The following TBCK variants were observed in gnomAD, a reference collection of about 807,000 sequenced individuals.
The protein encoded by TBCK is TBC domain-containing protein kinase-like protein.
In TBCK, 99 loss-of-function variants were observed where a neutral mutation model predicts 113.4. The ratio of observed to expected loss-of-function variants is 0.87; its 90% CI spans 0.74 to 1.03. The LOEUF is 1.03. TBCK is among the 50% of genes least tolerant of loss of function. The pLI is 0.00. For synonymous variants in TBCK, 369 were observed against 370.8 expected (o/e 1.00, Z 0.05); for missense variants, 1,045 against 1,061.3 (o/e 0.98, Z 0.21).
chr4:106,257,246 C>A (rs950562617), intron 5 of TBCK, among the ~76,000 whole-genome samples: 1 of 152,016 alleles, frequency 6.6e-6, no homozygotes. Flanking sequence ...CATGCCCTTT[C>A]GTCATTTATT....
chr4:106,084,316 C>T (rs1560621064), intron 25 of TBCK, among the ~76,000 whole-genome samples: 1 of 151,884 alleles, frequency 6.6e-6, no homozygotes, highest in Non-Finnish European at 1.5e-5. Flanking sequence ...GCCAAACTGA[C>T]CACATGGAAG....
chr4:106,277,486 A>C (rs1764152986), intron 3 of TBCK, among the ~76,000 whole-genome samples: 2 of 152,190 alleles, frequency 1.3e-5, no homozygotes, highest in African/African-American at 4.8e-5. Context: ...TATATTTATA[A>C]AACACAATAC....
Position 106,046,364 on chromosome 4 carries a change from T to C in TBCK, c.*206A>G. ...GATCAGATTTCACTGTTAAGAAAAT[T>C]CTTTCAGCAATACATGTAGAGTCAA... is the stretch of plus-strand genomic sequence containing the variant. On this transcript the variant is annotated 3_prime_UTR_variant, in exon 26 of 26. Coordinates refer to ENST00000394708, the MANE Select transcript of TBCK (RefSeq NM_001163435.3). 1 of 434,702 alleles carries C rather than the reference T, an allele frequency of 2.3e-6. No homozygotes were observed. Among genetic ancestry groups the C allele is most frequent in the East Asian group, 3.9e-5 (1 of 25,658 alleles). The allele number at this position is 434,702 out of a possible 1,614,324, so 26.9% of individuals were successfully genotyped here.
intron 17 of TBCK, 23 bp from the exon 18 acceptor site, chr4:106,231,802 A>C (rs1314756802): frequency 6.3e-7 from 1 of 1,597,110 alleles, no homozygotes; most frequent in Non-Finnish European, 8.6e-7. Flanking sequence ...GGTTGGGAGA[A>C]AGAAGTCAAA....
At chr4:106,122,546 A>G (rs1216598503) in intron 23 of TBCK, among the ~76,000 whole-genome samples, 2 of 152,226 alleles carry the variant, frequency 1.3e-5, no homozygotes, top group Non-Finnish European at 2.9e-5. Flanking sequence ...TCATCCTGAT[A>G]CCAAAGCCTG....
chr4:106,110,802 GC>G (rs1742758437), intron 24 of TBCK, among the ~76,000 whole-genome samples: 1 of 152,066 alleles, frequency 6.6e-6, no homozygotes, highest in African/African-American at 2.4e-5. Flanking sequence ...ATCTCCCTCA[GC>G]CCCGCTGTCT....
intron 20 of TBCK, among the ~76,000 whole-genome samples, chr4:106,206,693 C>T (rs145132953): frequency 1.3e-4 from 20 of 152,112 alleles, no homozygotes; most frequent in Middle Eastern, 3.4e-3. Flanking sequence ...AATTTATTTA[C>T]GTAACAACAT....
chr4:106,243,876 A>T (rs78873679), intron 11 of TBCK, among the ~76,000 whole-genome samples: 1,661 of 152,020 alleles, frequency 0.011, 31 homozygotes, highest in African/African-American at 0.038. Flanking sequence ...TTGTAGAGAC[A>T]GGGTTTTGCC....
upstream of TBCK, chr4:106,316,236 T>G (rs1768847228): frequency 3.5e-6 from 1 of 284,556 alleles, no homozygotes; most frequent in Non-Finnish European, 6.7e-6. Context: ...GGCCTTTTCT[T>G]CCGCCCTCAC....
At chr4:106,245,064 C>G (rs1425808713) in intron 10 of TBCK, among the ~76,000 whole-genome samples, 1 of 152,146 alleles carries the variant, frequency 6.6e-6, no homozygotes, top group Non-Finnish European at 1.5e-5. Flanking sequence ...CATTCTGGAA[C>G]AGACATTCAT....
chr4:106,115,146 T>C (rs982821444), intron 24 of TBCK, among the ~76,000 whole-genome samples: 1 of 152,202 alleles, frequency 6.6e-6, no homozygotes, highest in Admixed American at 6.5e-5. Flanking sequence ...AAATTGGAAT[T>C]GAAAATATTA....
chr4:106,167,432 G>A (rs1362364944), intron 23 of TBCK, among the ~76,000 whole-genome samples: 1 of 150,846 alleles, frequency 6.6e-6, no homozygotes, highest in African/African-American at 2.4e-5. Context: ...TAGAAATAAG[G>A]GAAGTTCTAA....
chr4:106,051,898 A>C (rs1046311585), intron 25 of TBCK, among the ~76,000 whole-genome samples: 1 of 151,896 alleles, frequency 6.6e-6, no homozygotes, highest in African/African-American at 2.4e-5. Context: ...AATGAGAAAC[A>C]TAAGAGCTGT....
chr4:106,188,076 C>CT (rs1753235089), intron 22 of TBCK, among the ~76,000 whole-genome samples: 1 of 152,072 alleles, frequency 6.6e-6, no homozygotes, highest in African/African-American at 2.4e-5. Flanking sequence ...CTAGGACTTC[C>CT]AGTACTATGT....
At chr4:106,209,538 A>T (rs148199376) in intron 20 of TBCK, among the ~76,000 whole-genome samples, 198 of 152,296 alleles carry the variant, frequency 1.3e-3, no homozygotes, top group African/African-American at 4.4e-3. Flanking sequence ...AAGTCTTCTA[A>T]TGGATCTAGA....
chr4:106,064,252 T>C (rs1736373382), intron 25 of TBCK, among the ~76,000 whole-genome samples: 1 of 151,902 alleles, frequency 6.6e-6, no homozygotes, highest in African/African-American at 2.4e-5. Flanking sequence ...ACAACTGAAA[T>C]CACATTTTAA....
intron 25 of TBCK, among the ~76,000 whole-genome samples, chr4:106,094,098 T>C (rs1054055893): frequency 4.6e-5 from 7 of 152,174 alleles, no homozygotes; most frequent in Non-Finnish European, 7.3e-5. Flanking sequence ...GGCATCAAAT[T>C]TGGAAAAATC....
chr4:106,138,885 A>T (rs1746866946), intron 23 of TBCK, among the ~76,000 whole-genome samples: 1 of 141,002 alleles, frequency 7.1e-6, no homozygotes, highest in Non-Finnish European at 1.6e-5. Flanking sequence ...CAGCACCGTT[A>T]TGGTCAAGTT....
At chr4:106,193,345 C>T (rs1342571676) in intron 22 of TBCK, among the ~76,000 whole-genome samples, 1 of 152,018 alleles carries the variant, frequency 6.6e-6, no homozygotes, top group Non-Finnish European at 1.5e-5. Context: ...TGATATTGCC[C>T]CCAACTTCCT....
Sources: allele counts gnomAD v4.1 joint callset (sites outside exome capture counted in the v4.1 genomes callset), GRCh38; gene constraint gnomAD v4.1.1; transcripts MANE v1.5; gene names NCBI Gene and HGNC (gene_info 2026-07-23, HGNC 2026-07-21).